The following PPME1 variants were observed in gnomAD, a reference collection of about 807,000 sequenced individuals.
The protein encoded by PPME1 is protein phosphatase methylesterase 1.
Under a neutral mutation model 56.9 loss-of-function variants are expected in PPME1, and 17 were observed. That is an observed-to-expected ratio of 0.30 (90% confidence interval 0.20 to 0.45). The LOEUF is 0.45. PPME1 is among the 20% of genes least tolerant of loss of function. The probability of loss-of-function intolerance (pLI) is 1.00; values close to 1 mark genes in which losing one functional copy is unlikely to be tolerated. For synonymous variants in PPME1, 122 were observed against 156.2 expected (o/e 0.78, Z 1.63); for missense variants, 357 against 483.2 (o/e 0.74, Z 2.45).
intron 3 of PPME1, among the ~76,000 whole-genome samples, chr11:74,217,860 G>T (rs1242463020): frequency 1.3e-5 from 2 of 152,054 alleles, no homozygotes; most frequent in Admixed American, 1.3e-4. Flanking sequence ...AACCTTTCTT[G>T]TAAGATCTGG....
intron 1 of PPME1, among the ~76,000 whole-genome samples, chr11:74,174,679 A>G (rs1418236957): frequency 1.3e-5 from 2 of 152,198 alleles, no homozygotes; most frequent in Non-Finnish European, 2.9e-5. Context: ...TTCAGATTAG[A>G]TTTAGTAATT....
chr11:74,173,295 T>C (rs2135586306), intron 1 of PPME1, among the ~76,000 whole-genome samples: 1 of 152,326 alleles, frequency 6.6e-6, no homozygotes. Context: ...GCTGCCTTTC[T>C]TAAAATAAAT....
At chr11:74,217,111 C>T (rs1221583382) in intron 3 of PPME1, among the ~76,000 whole-genome samples, 1 of 152,150 alleles carries the variant, frequency 6.6e-6, no homozygotes. Context: ...CTTTCAGACT[C>T]CTTCTACGAG....
chr11:74,236,120 A>T (rs1490929519), intron 8 of PPME1, 154 bp downstream of exon 8: 3 of 1,271,308 alleles, frequency 2.4e-6, no homozygotes, highest in South Asian at 3.6e-5. Context: ...TGGGACAGAC[A>T]TAGATTTTCT....
chr11:74,202,751 T>A (rs903334386), intron 1 of PPME1, among the ~76,000 whole-genome samples: 4 of 152,160 alleles, frequency 2.6e-5, no homozygotes, highest in Non-Finnish European at 5.9e-5. Flanking sequence ...TTATATTTTT[T>A]AATAATACAT....
At chr11:74,193,908 A>C (rs529991252) in intron 1 of PPME1, among the ~76,000 whole-genome samples, 30 of 152,040 alleles carry the variant, frequency 2.0e-4, no homozygotes, top group Non-Finnish European at 4.0e-4. Context: ...CTGTTTCCTC[A>C]CGTATTTTAT....
In PPME1 at chr11:74,204,532, C is replaced by G. The variant is rs182820315; in HGVS notation, c.288+87C>G. 5.2e-6 allele frequency: 6 copies of G among 1,156,842 alleles called. No homozygotes were observed. In the East Asian group the frequency reaches 1.0e-4, roughly 20 times the overall value. 71.7% of individuals were successfully genotyped at this position (1,156,842 alleles called of 1,614,324 possible). A position where few individuals can be genotyped will look rare whatever the true frequency, so the allele number is the denominator to read the frequency against. ...GACAAATCTTGGAAGTTAACACATT[C>G]TATTTGGGAAGCAGGAATTGCTATT... On this transcript the variant is annotated intron_variant, in intron 3 of 13. Coordinates refer to ENST00000328257, the MANE Select transcript of PPME1 (RefSeq NM_016147.3).
intron 3 of PPME1, among the ~76,000 whole-genome samples, chr11:74,217,242 CATTACAAAG>C (rs1266076683): frequency 6.6e-6 from 1 of 152,012 alleles, no homozygotes; most frequent in Non-Finnish European, 1.5e-5. Context: ...TTCAGCAACA[CATTACAAAG>C]ATTATTCAGG....
intron 3 of PPME1, among the ~76,000 whole-genome samples, chr11:74,210,945 AATT>A (rs748212772): frequency 1.3e-5 from 2 of 152,364 alleles, no homozygotes; most frequent in South Asian, 4.1e-4. Context: ...TAGCTAGAAC[AATT>A]ATTATGTGAA....
At chr11:74,192,540 A>G (rs1379357829) in intron 1 of PPME1, among the ~76,000 whole-genome samples, 1 of 152,142 alleles carries the variant, frequency 6.6e-6, no homozygotes, top group Non-Finnish European at 1.5e-5. Context: ...GGCCAGGGGC[A>G]GAATGATATG....
intron 1 of PPME1, among the ~76,000 whole-genome samples, chr11:74,200,354 G>GT (rs1319416437): frequency 2.4e-5 from 3 of 124,942 alleles, no homozygotes; most frequent in Non-Finnish European, 4.9e-5. Flanking sequence ...ACAGTCATGT[G>GT]TTTTGTGTGT....
chr11:74,213,045 A>G (rs941241883), intron 3 of PPME1, among the ~76,000 whole-genome samples: 1 of 152,152 alleles, frequency 6.6e-6, no homozygotes, highest in African/African-American at 2.4e-5. Context: ...GGGGTTCCCA[A>G]TTCCAGGCCT....
intron 3 of PPME1, among the ~76,000 whole-genome samples, chr11:74,218,933 C>A (rs1858725430): frequency 6.6e-6 from 1 of 151,932 alleles, no homozygotes; most frequent in Non-Finnish European, 1.5e-5. Context: ...AAGGAAACAA[C>A]AAAGTGAAGA....
intron 3 of PPME1, among the ~76,000 whole-genome samples, chr11:74,214,025 A>C (rs1858551686): frequency 6.6e-6 from 1 of 152,260 alleles, no homozygotes; most frequent in Non-Finnish European, 1.5e-5. Flanking sequence ...AGAGAGACAG[A>C]GATATGTGAC....
chr11:74,232,601 G>A (rs1167061335), intron 7 of PPME1, among the ~76,000 whole-genome samples: 4 of 152,116 alleles, frequency 2.6e-5, no homozygotes, highest in South Asian at 4.2e-4. Flanking sequence ...GCCTGCTTCC[G>A]CAGTAACAAC....
At chr11:74,173,605 A>C (rs1441349609) in intron 1 of PPME1, among the ~76,000 whole-genome samples, 1 of 152,170 alleles carries the variant, frequency 6.6e-6, no homozygotes, top group Admixed American at 6.5e-5. Context: ...GCAGTGGCAC[A>C]ATCTCGGCTC....
intron 9 of PPME1, among the ~76,000 whole-genome samples, chr11:74,239,529 G>A (rs1859293022): frequency 1.3e-5 from 2 of 148,962 alleles, no homozygotes. Flanking sequence ...CCTCCCATGA[G>A]AAAAATTCCA....
intron 1 of PPME1, among the ~76,000 whole-genome samples, chr11:74,175,845 A>G (rs187842728): frequency 6.7e-4 from 102 of 152,332 alleles, no homozygotes; most frequent in African/African-American, 2.0e-3. Context: ...TGACTTGCCT[A>G]AGATCACAGA....
At chr11:74,229,339 T>G (rs982891524) in intron 5 of PPME1, among the ~76,000 whole-genome samples, 1 of 152,098 alleles carries the variant, frequency 6.6e-6, no homozygotes, top group Non-Finnish European at 1.5e-5. Context: ...TAAAAATATA[T>G]ATATATAATA....
Sources: gnomAD v4.1 joint callset for allele counts (sites outside exome capture counted in the v4.1 genomes callset) on GRCh38, gnomAD v4.1.1 for gene constraint, MANE v1.5 for transcripts, NCBI Gene and HGNC (gene_info 2026-07-23, HGNC 2026-07-21) for gene names.